The following PRUNE2 variants were observed in gnomAD, a reference collection of about 807,000 sequenced individuals.
The protein encoded by PRUNE2 is protein prune homolog 2.
Under a neutral mutation model 252.0 loss-of-function variants are expected in PRUNE2, and 164 were observed. The ratio of observed to expected loss-of-function variants is 0.65; its 90% CI spans 0.57 to 0.74. The LOEUF (loss-of-function observed/expected upper bound fraction) is 0.74. PRUNE2 is among the 30% of genes least tolerant of loss of function. The pLI, the probability that PRUNE2 is intolerant of heterozygous loss-of-function variation, is 0.00. For synonymous variants in PRUNE2, 1,292 were observed against 1,350.2 expected, an observed-to-expected ratio of 0.96 and a Z score of 0.94; for missense variants, 3,495 against 3,711.0, an observed-to-expected ratio of 0.94 and a Z score of 1.51.
chr9:76,728,009 C>T (rs10746999), intron 6 of PRUNE2, among the ~76,000 whole-genome samples: 64,142 of 151,824 alleles, frequency 0.42, 14,040 homozygotes, highest in Admixed American at 0.56. Flanking sequence ...AGCCCCCCGA[C>T]GCCTGGCCTT....
chr9:76,865,649 A>ACTT (rs2060792474), intron 1 of PRUNE2, among the ~76,000 whole-genome samples: 1 of 152,176 alleles, frequency 6.6e-6, no homozygotes, highest in Non-Finnish European at 1.5e-5. Flanking sequence ...CTTTCTTGTA[A>ACTT]TGTCTTTGTC....
chr9:76,728,217 A>G (rs1430565360), intron 6 of PRUNE2, among the ~76,000 whole-genome samples: 1 of 152,194 alleles, frequency 6.6e-6, no homozygotes, highest in Non-Finnish European at 1.5e-5. Flanking sequence ...TCTTTGCCCA[A>G]TAACTTAGGC....
In PRUNE2 at chr9:76,703,981, A is replaced by G. The variant is rs371356883; in HGVS notation, c.7632T>C (p.His2544=). 9.9e-6 allele frequency: 16 copies of G among 1,613,758 alleles called. No individual in the cohort carries two copies. Among genetic ancestry groups the G allele is most frequent in the Non-Finnish European group, 1.2e-5 (14 of 1,179,840 alleles). Residue 2544 remains histidine, a synonymous_variant, in exon 9 of 19, where the codon CAT becomes CAC. Coordinates refer to ENST00000376718, the MANE Select transcript of PRUNE2 (RefSeq NM_015225.3). ...ERCTEKNEDR[H]ALHMDYILVN... The stretch of plus-strand genomic sequence containing the variant: ...CAAGTATGTAATCCATGTGTAGTGC[A>G]TGACGATCTTCATTCTTCTCTGTAC...
intron 6 of PRUNE2, among the ~76,000 whole-genome samples, chr9:76,798,213 A>G (rs1461480589): frequency 6.6e-6 from 1 of 152,216 alleles, no homozygotes; most frequent in Non-Finnish European, 1.5e-5. Context: ...GTATATTCAC[A>G]TTGCTGGGCC....
rs751487173 is a variant in PRUNE2 at position 76,703,516 on chromosome 9, C to T, written c.8097G>A (p.Gln2699=). The T allele has an allele frequency of 3.7e-6, 6 of 1,613,756 alleles. No homozygotes were observed. The Admixed American group carries it at 1.0e-4, about 27-fold the overall frequency. The change falls in exon 9 of 19, where the codon CAG becomes CAA. Residue 2699 remains glutamine, a synonymous_variant. Coordinates refer to ENST00000376718, the MANE Select transcript of PRUNE2 (RefSeq NM_015225.3). ...EEASGPVSQS[Q]KSKSRGRAGP... is the part of the protein sequence containing the mutation. Reference sequence around the variant, plus strand: ...CAGCCCTGCCTCGGCTCTTACTCTTCTGTGATTGGCTGACTGGACCAGAGG... The same window carrying T: ...CAGCCCTGCCTCGGCTCTTACTCTTTTGTGATTGGCTGACTGGACCAGAGG...
chr9:76,679,676 T>C (rs1157503012), intron 9 of PRUNE2, among the ~76,000 whole-genome samples: 1 of 152,116 alleles, frequency 6.6e-6, no homozygotes, highest in African/African-American at 2.4e-5. Context: ...GACAGATATA[T>C]AGACTAGTGG....
intron 6 of PRUNE2, among the ~76,000 whole-genome samples, chr9:76,722,376 C>T (rs1447807463): frequency 2.0e-5 from 3 of 151,972 alleles, no homozygotes; most frequent in African/African-American, 7.3e-5. Context: ...AGCCTACACT[C>T]TATTGTTCTT....
intron 6 of PRUNE2, among the ~76,000 whole-genome samples, chr9:76,726,063 G>A (rs2048077961): frequency 6.6e-6 from 1 of 152,214 alleles, no homozygotes; most frequent in Non-Finnish European, 1.5e-5. Flanking sequence ...GCATTCTGCT[G>A]TCCTGCAGCC....
intron 9 of PRUNE2, among the ~76,000 whole-genome samples, chr9:76,657,120 T>C (rs1013492187): frequency 1.3e-5 from 2 of 152,230 alleles, no homozygotes; most frequent in African/African-American, 4.8e-5. Context: ...CCCATGATCC[T>C]GCAGTTTTTG....
intron 9 of PRUNE2, among the ~76,000 whole-genome samples, chr9:76,682,463 G>A (rs1473136395): frequency 6.6e-6 from 1 of 150,516 alleles, no homozygotes; most frequent in African/African-American, 2.4e-5. Context: ...CTGGGTTCAA[G>A]CTATTCTCCT....
chr9:76,658,836 G>A (rs28576740), intron 9 of PRUNE2, among the ~76,000 whole-genome samples: 4,373 of 152,290 alleles, frequency 0.029, 201 homozygotes, highest in African/African-American at 0.098. Context: ...AACACCATGT[G>A]TGTTAGAAGA....
Position 76,710,496 on chromosome 9 carries a change from T to C in PRUNE2, c.1778A>G (p.Asp593Gly). ...RNLSLTDFVG[D>G]ESPSPERLKN... ...TAGCCTTTCTGGGGAAGGGGATTCA[T>C]CTCCCACAAAATCTGTCAGGCTCAA... Residue 593 changes from aspartate (D) to glycine (G), a missense_variant, in exon 8 of 19, where the codon GAT becomes GGT. Coordinates refer to ENST00000376718, the MANE Select transcript of PRUNE2 (RefSeq NM_015225.3). 6.2e-7 allele frequency: 1 copy of C among 1,614,022 alleles called. No individual in the cohort carries two copies. Among genetic ancestry groups the C allele is most frequent in the African/African-American group, 1.3e-5 (1 of 75,046 alleles).
chr9:76,801,707 C>G (rs143994888), intron 6 of PRUNE2, among the ~76,000 whole-genome samples: 11 of 152,198 alleles, frequency 7.2e-5, no homozygotes, highest in African/African-American at 2.6e-4. Flanking sequence ...TCATATAATA[C>G]AGAGCATTCT....
At chr9:76,719,372 T>A (rs967707525) in intron 6 of PRUNE2, among the ~76,000 whole-genome samples, 2 of 152,184 alleles carry the variant, frequency 1.3e-5, no homozygotes, top group Non-Finnish European at 2.9e-5. Flanking sequence ...TTCAAATGGA[T>A]AATAAATAGA....
At chr9:76,834,948 C>A (rs1437506944) in intron 4 of PRUNE2, among the ~76,000 whole-genome samples, 1 of 152,150 alleles carries the variant, frequency 6.6e-6, no homozygotes, top group Non-Finnish European at 1.5e-5. Context: ...ACCTAACTTA[C>A]AGCAAATTTT....
intron 12 of PRUNE2, among the ~76,000 whole-genome samples, chr9:76,640,246 T>A (rs1486917268): frequency 6.6e-6 from 1 of 152,178 alleles, no homozygotes; most frequent in African/African-American, 2.4e-5. Flanking sequence ...GGCAGTAAAG[T>A]AATGGCTGTG....
In PRUNE2 at chr9:76,636,488, C is replaced by G. The variant is rs1421803845; in HGVS notation, c.9033G>C (p.Val3011=). Residue 3011 remains valine (V), a synonymous_variant, in exon 15 of 19, where the codon GTG becomes GTC. Transcript: ENST00000376718. Reference sequence around the variant, plus strand: ...AACTGTACCTTATAAAAGGTCGTGTCACAGCAAGGATTGTTCTGATGAACC... The same window carrying G: ...AACTGTACCTTATAAAAGGTCGTGTGACAGCAAGGATTGTTCTGATGAACC... The part of the protein sequence containing the change: ...PSWFIRTILA[V]TRPFISSKFS... The G allele has an allele frequency of 6.5e-7, 1 of 1,539,074 alleles. No individual in the cohort carries two copies. The highest frequency in any genetic ancestry group is 8.8e-7 in the Non-Finnish European group (1 of 1,132,404).
chr9:76,780,431 T>C (rs999238652), intron 6 of PRUNE2, among the ~76,000 whole-genome samples: 5 of 152,154 alleles, frequency 3.3e-5, no homozygotes, highest in Non-Finnish European at 7.3e-5. Flanking sequence ...CTCACGCCTG[T>C]AATCCCAGCA....
intron 6 of PRUNE2, among the ~76,000 whole-genome samples, chr9:76,729,987 A>G (rs1179213866): frequency 6.6e-6 from 1 of 152,174 alleles, no homozygotes; most frequent in Non-Finnish European, 1.5e-5. Context: ...TTTTCTTGAG[A>G]GCATGTTTCA....
Sources: gnomAD v4.1 joint callset for allele counts (sites outside exome capture counted in the v4.1 genomes callset) on GRCh38, gnomAD v4.1.1 for gene constraint, MANE v1.5 for transcripts, NCBI Gene and HGNC (gene_info 2026-07-23, HGNC 2026-07-21) for gene names.